Variants in CTRC observed in about 807,000 individuals in gnomAD.
CTRC encodes chymotrypsin-C.
A neutral mutation model predicts 35.7 loss-of-function variants in CTRC; 32 were observed. The ratio of observed to expected loss-of-function variants is 0.90; its 90% confidence interval spans 0.68 to 1.20. The LOEUF is 1.20. CTRC is among the 50% of genes most tolerant of loss of function. The probability of loss-of-function intolerance (pLI) is 0.00; values close to 1 mark genes in which losing one functional copy is unlikely to be tolerated. For missense variants in CTRC, 324 were observed against 361.5 expected, an observed-to-expected ratio of 0.90 and a Z score of 0.84; for synonymous variants, 119 against 149.5, an observed-to-expected ratio of 0.80 and a Z score of 1.49.
At position 15,444,683 on chromosome 1, in the gene CTRC, TGGTGGGGCTTCAG is replaced by T. The variant is rs753459089; in HGVS notation, c.576_588del (p.Trp192Ter). 5 of 1,614,178 alleles carry T rather than the reference TGGTGGGGCTTCAG, an allele frequency of 3.1e-6. No homozygotes were observed. The highest frequency in any genetic ancestry group is 4.2e-6 in the Non-Finnish European group (5 of 1,180,028). On this transcript the variant is annotated frameshift_variant, in exon 6 of 8. Transcript: ENST00000375949. LOFTEE classifies it high-confidence loss of function. ...TCACGCCACGTGCTCCAGGATTGACTGGTGGGGCTTCAGGGTGAAGAAAACCATGGTGTGCGCT... is the reference window on the plus strand; with the variant it reads ...TCACGCCACGTGCTCCAGGATTGACTGGTGAAGAAAACCATGGTGTGCGCT...
At chr1:15,445,498 G>C in intron 6 of CTRC, 99 bp from the exon 7 acceptor site, 1 of 1,326,176 alleles carries the variant, frequency 7.5e-7, no homozygotes, top group East Asian at 2.3e-5. Flanking sequence ...AACTAAGGCT[G>C]AGAAGCCAAC....
rs561215763 is a variant in CTRC at position 15,446,754 on chromosome 1, TC to T, written c.*170del. On this transcript the variant is annotated 3_prime_UTR_variant, in exon 8 of 8. Transcript: ENST00000375949. Reference sequence around the variant, plus strand: ...AAAGAGAGACCCCACTCAGCCAGTTTCCCCCACCCTGCATTAGACAGGTGGG... The same window carrying T: ...AAAGAGAGACCCCACTCAGCCAGTTTCCCCACCCTGCATTAGACAGGTGGG... 2.5e-4 allele frequency: 197 copies of T among 801,362 alleles called. No individual in the cohort carries two copies. The highest frequency in any genetic ancestry group is 2.3e-3 in the African/African-American group (138 of 58,960). The allele number at this position is 801,362 out of a possible 1,614,324, so 49.6% of individuals were successfully genotyped here.
chr1:15,442,839 C>T (rs1212890692), intron 4 of CTRC, among the ~76,000 whole-genome samples: 1 of 152,160 alleles, frequency 6.6e-6, no homozygotes, highest in Non-Finnish European at 1.5e-5. Context: ...CCAGCGCTCA[C>T]CTTTATTGAG....
Position 15,443,435 on chromosome 1 carries a change from A to C in CTRC, c.373A>C (p.Ile125Leu). The change falls in exon 5 of 8, where the codon ATC becomes CTC. Residue 125 changes from isoleucine to leucine, a missense_variant. Coordinates refer to ENST00000375949, the MANE Select transcript of CTRC (RefSeq NM_007272.3). ...GGATTCCAGCAATGATATTGCCCTCATCAAGCTTGCAGAGCATGTGGAGCT... is the reference window on the plus strand; with the variant it reads ...GGATTCCAGCAATGATATTGCCCTCCTCAAGCTTGCAGAGCATGTGGAGCT... ...ALLLRNDIAL[I>L]KLAEHVELSD... The C allele has an allele frequency of 6.2e-7, 1 of 1,614,160 alleles. No individual in the cohort carries two copies. Among genetic ancestry groups the C allele is most frequent in the Non-Finnish European group, 8.5e-7 (1 of 1,180,024 alleles).
chr1:15,440,334 C>T lies in CTRC; in HGVS notation c.75C>T (p.Asn25=). 6.2e-7 allele frequency: 1 copy of T among 1,610,882 alleles called. No homozygotes were observed. Among genetic ancestry groups the T allele is most frequent in the Non-Finnish European group, 8.5e-7 (1 of 1,179,318 alleles). Residue 25 remains asparagine (N), a synonymous_variant, in exon 2 of 8, where the codon AAC becomes AAT. Coordinates refer to ENST00000375949, the MANE Select transcript of CTRC (RefSeq NM_007272.3). ...SSCGVPSFPP[N]LSARVVGGED... The stretch of plus-strand genomic sequence containing the variant: ...GTGGGGTGCCCAGCTTCCCGCCCAA[C>T]CTATCCGCCCGAGTGGTGGGAGGAG...
intron 1 of CTRC, among the ~76,000 whole-genome samples, chr1:15,438,917 ACTT>A (rs1469260522): frequency 2.6e-5 from 4 of 152,110 alleles, no homozygotes; most frequent in Non-Finnish European, 5.9e-5. Context: ...CTTAAATGCC[ACTT>A]CTTCTCTGCA....
At position 15,444,593 on chromosome 1, in the gene CTRC, A is replaced by G. The variant is rs762842599; in HGVS notation, c.494-13A>G. On this transcript the variant is annotated splice_polypyrimidine_tract_variant and intron_variant, in intron 5 of 7. Transcript: ENST00000375949. The stretch of plus-strand genomic sequence containing the variant: ...CCGGCTGCCTCCCTGGTCACTGCTC[A>G]CTCTCTCCCCAGCCAACGGCCCCAT... The G allele has an allele frequency of 5.6e-5, 91 of 1,612,972 alleles. No homozygotes were observed. Among genetic ancestry groups the G allele is most frequent in the Admixed American group, 2.0e-4 (12 of 59,930 alleles).
In CTRC at chr1:15,445,759, G is replaced by C. The variant is rs1301778392; in HGVS notation, c.792+10G>C. ...CGACTGGATCAACGAGGTGGGTGCT[G>C]CCTCCACAGCTGTCCCTGCACCTGT... is the stretch of plus-strand genomic sequence containing the variant. On this transcript the variant is annotated intron_variant, in intron 7 of 7. Transcript: ENST00000375949. The C allele has an allele frequency of 6.2e-7, 1 of 1,613,812 alleles. No individual in the cohort carries two copies. Among genetic ancestry groups the C allele is most frequent in the Non-Finnish European group, 8.5e-7 (1 of 1,179,980 alleles).
At chr1:15,443,364 A>G in intron 4 of CTRC, 55 bp from the exon 5 acceptor site, 1 of 1,613,070 alleles carries the variant, frequency 6.2e-7, no homozygotes, top group Non-Finnish European at 8.5e-7. Flanking sequence ...CCTTAGCCTG[A>G]GCTTGTGGGG....
intron 4 of CTRC, among the ~76,000 whole-genome samples, chr1:15,443,020 G>A (rs971650688): frequency 5.9e-5 from 9 of 152,138 alleles, no homozygotes; most frequent in Non-Finnish European, 1.2e-4. Context: ...TGACTGGGCC[G>A]GCCAGCTTTT....
intron 2 of CTRC, 38 bp downstream of exon 2, chr1:15,440,429 G>A: frequency 1.2e-6 from 2 of 1,612,122 alleles, no homozygotes; most frequent in Non-Finnish European, 8.5e-7. Context: ...AGATAGAGAG[G>A]GTGGCGGGGT....
rs769249738 is a variant in CTRC, at chr1:15,441,694, C to CT, written c.231-740dup. Among the ~76,000 whole-genome samples the CT allele has an allele frequency of 9.0e-3, 1,286 of 142,932 alleles. 10 individuals are homozygous for CT. Among genetic ancestry groups the CT allele is most frequent in the African/African-American group, 0.028 (1,114 of 39,270 alleles). The allele number at this position is 142,932 out of a possible 152,430, so 93.8% of individuals were successfully genotyped here. On this transcript the variant is annotated intron_variant, in intron 3 of 7. Coordinates refer to ENST00000375949, the MANE Select transcript of CTRC (RefSeq NM_007272.3). Reference sequence around the variant, plus strand: ...TTTCATTTTATATATTTCATATACACTTTTTTTTTTTTTGGTAGAGACAGA... The same window carrying CT: ...TTTCATTTTATATATTTCATATACACTTTTTTTTTTTTTTGGTAGAGACAGA...
intron 6 of CTRC, among the ~76,000 whole-genome samples, chr1:15,444,979 G>A (rs149004542): frequency 7.6e-4 from 116 of 152,278 alleles, no homozygotes; most frequent in African/African-American, 2.6e-3. Flanking sequence ...TATGAGCTAC[G>A]TAAACTTGGG....
chr1:15,446,694 C>A lies in CTRC; in HGVS notation c.*105C>A. 1.5e-6 allele frequency: 2 copies of A among 1,297,272 alleles called. No homozygotes were observed. Among genetic ancestry groups the A allele is most frequent in the Non-Finnish European group, 2.2e-6 (2 of 892,860 alleles). The allele number at this position is 1,297,272 out of a possible 1,614,324, so 80.4% of individuals were successfully genotyped here. A position where few individuals can be genotyped will look rare whatever the true frequency, so the allele number is the denominator to read the frequency against. On this transcript the variant is annotated 3_prime_UTR_variant, in exon 8 of 8. Coordinates refer to ENST00000375949, the MANE Select transcript of CTRC (RefSeq NM_007272.3). ...TTGTGCAGCTTCTGTTGCTTCCCTC[C>A]TCTCTGGTGCTGCCCCTTTCCACAC...
At chr1:15,442,094 A>G (rs1285366221) in intron 3 of CTRC, among the ~76,000 whole-genome samples, 1 of 152,184 alleles carries the variant, frequency 6.6e-6, no homozygotes, top group Non-Finnish European at 1.5e-5. Context: ...GGAGTAGGCC[A>G]GCGTACAAGT....
At chr1:15,442,065 G>T (rs1708142298) in intron 3 of CTRC, among the ~76,000 whole-genome samples, 1 of 152,138 alleles carries the variant, frequency 6.6e-6, no homozygotes, top group Admixed American at 6.6e-5. Context: ...AACCCACACT[G>T]CTGGGTTCAG....
chr1:15,440,226 G>GCCCC, intron 1 of CTRC, 74 bp from the exon 2 acceptor site: 2 of 523,580 alleles, frequency 3.8e-6, no homozygotes, highest in Non-Finnish European at 7.3e-6. Flanking sequence ...TCTTCCACCT[G>GCCCC]CCCACCCTCC....
chr1:15,444,894 A>C (rs1239378405), intron 6 of CTRC, 143 bp downstream of exon 6: 3 of 932,452 alleles, frequency 3.2e-6, no homozygotes, highest in Non-Finnish European at 5.1e-6. Flanking sequence ...GGGTAAGCCC[A>C]TCACCCCCCA....
chr1:15,442,310 C>A, intron 3 of CTRC, 137 bp from the exon 4 acceptor site: 1 of 1,153,380 alleles, frequency 8.7e-7, no homozygotes. Context: ...CAGGCCCTTC[C>A]CCTCACCCTG....
Sources: allele counts gnomAD v4.1 joint callset (sites outside exome capture counted in the v4.1 genomes callset), GRCh38; gene constraint gnomAD v4.1.1; transcripts MANE v1.5; gene names NCBI Gene and HGNC (gene_info 2026-07-23, HGNC 2026-07-21).